SPOCK3: variants seen among roughly 807,000 people sequenced by gnomAD.
SPOCK3 encodes testican-3.
Under a neutral mutation model 56.6 loss-of-function variants are expected in SPOCK3, and 30 were observed. That is an observed-to-expected ratio of 0.53 (90% CI 0.40 to 0.72). The LOEUF (loss-of-function observed/expected upper bound fraction) is 0.72. Ranked by LOEUF, SPOCK3 falls within the 30% of genes least tolerant of loss-of-function variation. SPOCK3 has a pLI of 0.00. For synonymous variants in SPOCK3, 196 were observed against 183.3 expected (o/e 1.07, Z -0.56); for missense variants, 527 against 530.0 (o/e 0.99, Z 0.06).
rs186309449 is a variant in SPOCK3, at chr4:166,969,658, C to G, written c.350+30691G>C. Among the ~76,000 whole-genome samples, 9 of 152,006 alleles carry G rather than the reference C, an allele frequency of 5.9e-5. No homozygotes were observed. In the East Asian group the frequency reaches 1.7e-3, roughly 29 times the overall value. ...ACCATAACTGTAAGTTTCCTGAGGT[C>G]TCCCTGCCATGCCTCCTGTACAGCC... On this transcript the variant is annotated intron_variant, in intron 4 of 10. Transcript: ENST00000357545.
At chr4:166,745,768 G>A (rs897728425) in intron 8 of SPOCK3, among the ~76,000 whole-genome samples, 1 of 152,104 alleles carries the variant, frequency 6.6e-6, no homozygotes, top group Non-Finnish European at 1.5e-5. Context: ...GACACACATA[G>A]GCTCAAAATA....
At chr4:166,899,119 C>A (rs372952848) in intron 5 of SPOCK3, among the ~76,000 whole-genome samples, 1 of 151,958 alleles carries the variant, frequency 6.6e-6, no homozygotes, top group Admixed American at 6.6e-5. Context: ...TTGACTCTCA[C>A]ACCTTGGGCC....
intron 8 of SPOCK3, among the ~76,000 whole-genome samples, chr4:166,743,206 G>C (rs1401685324): frequency 6.6e-6 from 1 of 151,976 alleles, no homozygotes. Context: ...CTATATAAAA[G>C]TGGCATTAGA....
intron 2 of SPOCK3, among the ~76,000 whole-genome samples, chr4:167,086,681 T>C (rs1758229463): frequency 1.3e-5 from 2 of 152,164 alleles, no homozygotes; most frequent in Non-Finnish European, 2.9e-5. Context: ...ACTGTCATTG[T>C]ATTTTTCCCT....
intron 2 of SPOCK3, among the ~76,000 whole-genome samples, chr4:167,142,834 A>G (rs1482660651): frequency 1.3e-5 from 2 of 152,012 alleles, no homozygotes; most frequent in Non-Finnish European, 2.9e-5. Flanking sequence ...CTTTTTTAAT[A>G]TTTTTGATTT....
intron 2 of SPOCK3, among the ~76,000 whole-genome samples, chr4:167,192,150 G>A (rs1732522576): frequency 6.9e-6 from 1 of 145,586 alleles, no homozygotes; most frequent in Non-Finnish European, 1.5e-5. Context: ...ATAGTATATG[G>A]TCCTTTTCAT....
chr4:167,155,843 A>G (rs1420759471), intron 2 of SPOCK3, among the ~76,000 whole-genome samples: 1 of 152,170 alleles, frequency 6.6e-6, no homozygotes, highest in African/African-American at 2.4e-5. Flanking sequence ...AAGGGGAGGG[A>G]GAGCATTAGG....
rs1471526402 is a variant in SPOCK3, at chr4:166,754,595, T to C, written c.844A>G (p.Thr282Ala). 2.0e-5 allele frequency: 32 copies of C among 1,613,638 alleles called. No homozygotes were observed. The highest frequency in any genetic ancestry group is 2.5e-5 in the Non-Finnish European group (30 of 1,179,778). The change falls in exon 8 of 11, where the codon ACC becomes GCC. Residue 282 changes from threonine (T) to alanine (A), a missense_variant. Transcript: ENST00000357545. ...TCACAAGAATTGAAGAATGCCTTGG[T>C]ACACTGTTCATTCTTATCAAGGTAA... Reference protein sequence around the residue: ...SIYLDKNEQCTKAFFNSCDTY... With the variant: ...SIYLDKNEQCAKAFFNSCDTY...
At chr4:167,057,121 G>T (rs1754979331) in intron 3 of SPOCK3, among the ~76,000 whole-genome samples, 1 of 152,128 alleles carries the variant, frequency 6.6e-6, no homozygotes, top group African/African-American at 2.4e-5. Flanking sequence ...AAGAGAGTGG[G>T]GGCCAATATT....
intron 6 of SPOCK3, among the ~76,000 whole-genome samples, chr4:166,878,263 A>C (rs1315861937): frequency 6.6e-6 from 1 of 152,202 alleles, no homozygotes; most frequent in Non-Finnish European, 1.5e-5. Flanking sequence ...TGGGCTACAG[A>C]GCAAGACTCC....
At chr4:166,954,082 A>G (rs1743085417) in intron 4 of SPOCK3, among the ~76,000 whole-genome samples, 1 of 150,126 alleles carries the variant, frequency 6.7e-6, no homozygotes, top group South Asian at 2.2e-4. Context: ...CTTAAAGTAT[A>G]ATAAAAAAAA....
chr4:166,753,462 T>A (rs1736679134), intron 8 of SPOCK3, among the ~76,000 whole-genome samples: 1 of 151,972 alleles, frequency 6.6e-6, no homozygotes, highest in Non-Finnish European at 1.5e-5. Context: ...TAGAGTGGTT[T>A]ATTAATAGTT....
Position 167,034,591 on chromosome 4 carries a change from G to A in SPOCK3, c.235+27901C>T, listed in dbSNP as rs555126471. Among the ~76,000 whole-genome samples, 41 of 152,172 alleles carry A rather than the reference G, an allele frequency of 2.7e-4. 1 individual carries two copies. In the South Asian group the frequency reaches 7.7e-3, roughly 28 times the overall value. ...CTCAGCAAGACTTAAGTCATGTTCT[G>A]TGATTAAAACCATAGCTCGTACATA... is the stretch of plus-strand genomic sequence containing the variant. On this transcript the variant is annotated intron_variant, in intron 3 of 10. Coordinates refer to ENST00000357545, the MANE Select transcript of SPOCK3 (RefSeq NM_001040159.2).
intron 2 of SPOCK3, among the ~76,000 whole-genome samples, chr4:167,143,824 T>C (rs1763721366): frequency 6.6e-6 from 1 of 151,988 alleles, no homozygotes; most frequent in South Asian, 2.1e-4. Context: ...ATTTAGCTTA[T>C]ATGTAAAATT....
At chr4:167,002,147 C>T (rs1001267311) in intron 3 of SPOCK3, among the ~76,000 whole-genome samples, 1 of 151,750 alleles carries the variant, frequency 6.6e-6, no homozygotes, top group African/African-American at 2.4e-5. Flanking sequence ...TTAGTAGAGA[C>T]GGGGTTTCAC....
At chr4:167,182,409 C>A (rs1424643216) in intron 2 of SPOCK3, among the ~76,000 whole-genome samples, 167 of 135,208 alleles carry the variant, frequency 1.2e-3, no homozygotes, top group African/African-American at 1.4e-3. Flanking sequence ...AAAAGAAAGA[C>A]AAAAAAAAAA....
intron 4 of SPOCK3, among the ~76,000 whole-genome samples, chr4:166,955,614 AAATTT>A (rs1743349943): frequency 6.8e-6 from 1 of 146,112 alleles, no homozygotes; most frequent in African/African-American, 2.5e-5. Flanking sequence ...AAATTAGATT[AAATTT>A]AATATAATTT....
At chr4:166,922,313 AC>A (rs2149979273) in intron 4 of SPOCK3, among the ~76,000 whole-genome samples, 1 of 152,300 alleles carries the variant, frequency 6.6e-6, no homozygotes, top group Admixed American at 6.5e-5. Flanking sequence ...TTATTTGTGG[AC>A]AAAAAAGTAG....
chr4:166,808,457 T>TCC (rs1161647803), intron 6 of SPOCK3, among the ~76,000 whole-genome samples: 1 of 151,950 alleles, frequency 6.6e-6, no homozygotes. Context: ...TCTCTCTCTC[T>TCC]CTCTCTCTCT....
Sources: allele counts gnomAD v4.1 joint callset (sites outside exome capture counted in the v4.1 genomes callset), GRCh38; gene constraint gnomAD v4.1.1; transcripts MANE v1.5; gene names NCBI Gene and HGNC (gene_info 2026-07-23, HGNC 2026-07-21).